The following FANCB variants were observed in gnomAD, a reference collection of about 807,000 sequenced individuals.
FANCB encodes Fanconi anemia group B protein.
A neutral mutation model predicts 38.9 loss-of-function variants in FANCB; 5 were observed. That is an observed-to-expected ratio of 0.13 (90% confidence interval 0.07 to 0.27). The LOEUF is 0.27. Among genes scored for constraint, FANCB ranks in the 10% least tolerant of loss-of-function variants. The probability of loss-of-function intolerance (pLI) is 1.00; values close to 1 mark genes in which losing one functional copy is unlikely to be tolerated. For synonymous variants in FANCB, 236 were observed against 215.4 expected, an observed-to-expected ratio of 1.10 and a Z score of -0.84; for missense variants, 573 against 602.7, an observed-to-expected ratio of 0.95 and a Z score of 0.52.
chrX:14,735,684 G>C, the FANCB span, among the ~76,000 whole-genome samples: 1 of 112,380 alleles, frequency 8.9e-6, no homozygotes, highest in African/African-American at 3.2e-5. Flanking sequence ...CCTGCTGGGA[G>C]GTATCTCCCA....
intron 3 of FANCB, among the ~76,000 whole-genome samples, chrX:14,863,955 T>C (rs1489647189): frequency 9.0e-6 from 1 of 111,017 alleles, no homozygotes; most frequent in Non-Finnish European, 1.9e-5. Flanking sequence ...GCCAACATGG[T>C]AAAACCCCAT....
chrX:14,763,423 G>A, the FANCB span, among the ~76,000 whole-genome samples: 1 of 111,835 alleles, frequency 8.9e-6, no homozygotes, highest in Non-Finnish European at 1.9e-5. Context: ...CAGGTACAGA[G>A]GAAATCATAG....
chrX:14,801,664 C>CA, the FANCB span, among the ~76,000 whole-genome samples: 3 of 111,067 alleles, frequency 2.7e-5, no homozygotes, highest in African/African-American at 9.8e-5. Flanking sequence ...TGGGTCATGA[C>CA]AAAATCCTAT....
intron 1 of FANCB, among the ~76,000 whole-genome samples, chrX:14,870,071 A>C (rs2092488050): frequency 8.9e-6 from 1 of 112,208 alleles, no homozygotes; most frequent in South Asian, 3.6e-4. Context: ...TCAATCATTA[A>C]AATTTAATTC....
At chrX:14,806,671 T>A in the FANCB span, among the ~76,000 whole-genome samples, 3 of 111,902 alleles carry the variant, frequency 2.7e-5, no homozygotes, top group Admixed American at 9.5e-5. Flanking sequence ...AAAAGGAGAC[T>A]CAATTCCTGT....
At chrX:14,724,363 C>A in the FANCB span, among the ~76,000 whole-genome samples, 1 of 110,426 alleles carries the variant, frequency 9.1e-6, no homozygotes, top group Non-Finnish European at 1.9e-5. Flanking sequence ...TGGTGGCTCA[C>A]ACCTGTAATC....
chrX:14,750,661 G>A, the FANCB span, among the ~76,000 whole-genome samples: 166 of 110,940 alleles, frequency 1.5e-3, no homozygotes, highest in Middle Eastern at 4.6e-3. Flanking sequence ...AAACCACTAT[G>A]CCTCACTTGG....
chrX:14,697,763 G>GA, the FANCB span, among the ~76,000 whole-genome samples: 1 of 111,681 alleles, frequency 9.0e-6, no homozygotes, highest in Admixed American at 9.5e-5. Flanking sequence ...GGGAAACATG[G>GA]AAAATCACAG....
At chrX:14,823,352 G>A in the FANCB span, among the ~76,000 whole-genome samples, 1 of 111,549 alleles carries the variant, frequency 9.0e-6, no homozygotes, top group Non-Finnish European at 1.9e-5. Context: ...AAAGTGCTGG[G>A]ATTGCAGGCG....
the FANCB span, among the ~76,000 whole-genome samples, chrX:14,813,117 C>T: frequency 7.5e-5 from 8 of 106,845 alleles, no homozygotes; most frequent in African/African-American, 2.8e-4. Context: ...ATTCAACAAC[C>T]CTTCATGCTA....
the FANCB span, among the ~76,000 whole-genome samples, chrX:14,807,910 G>A: frequency 9.0e-6 from 1 of 111,527 alleles, no homozygotes; most frequent in East Asian, 2.8e-4. Context: ...AAATTCAAAG[G>A]ATCATTAATG....
chrX:14,736,234 T>A, the FANCB span, among the ~76,000 whole-genome samples: 1 of 109,378 alleles, frequency 9.1e-6, no homozygotes, highest in Non-Finnish European at 1.9e-5. Context: ...CCCTTTCCAG[T>A]GGAGTGAACT....
chrX:14,839,750 T>C (rs2092349952), downstream of FANCB, among the ~76,000 whole-genome samples: 1 of 111,843 alleles, frequency 8.9e-6, no homozygotes, highest in African/African-American at 3.2e-5. Flanking sequence ...GTTTCTATCC[T>C]GGGATTCCCC....
chrX:14,740,741 T>C, the FANCB span, among the ~76,000 whole-genome samples: 1 of 111,696 alleles, frequency 9.0e-6, no homozygotes, highest in South Asian at 3.8e-4. Flanking sequence ...CAATCCCTGC[T>C]CTAGATACAT....
At chrX:14,800,237 G>A in the FANCB span, among the ~76,000 whole-genome samples, 12 of 111,946 alleles carry the variant, frequency 1.1e-4, no homozygotes, top group African/African-American at 3.6e-4. Context: ...AGAACCCTGT[G>A]ACTTTCATGG....
chrX:14,798,442 G>A, the FANCB span, among the ~76,000 whole-genome samples: 3 of 112,067 alleles, frequency 2.7e-5, no homozygotes, highest in East Asian at 2.8e-4. Context: ...GATTACAGGC[G>A]TGAGCCACCG....
chrX:14,844,744 CA>C lies in FANCB; in HGVS notation c.1928-5del, dbSNP rs1461218998. ...GCAAAAAGATCTTCCATGTGCTCTA[CA>C]AAAAAAGTCACAAGCTCTATCATTA... On this transcript the variant is annotated splice_polypyrimidine_tract_variant and splice_region_variant and intron_variant, in intron 8 of 9. Coordinates refer to ENST00000650831, the MANE Select transcript of FANCB (RefSeq NM_001018113.3). 2 of 1,188,293 alleles carry C rather than the reference CA, an allele frequency of 1.7e-6. No individual in the cohort carries two copies. The highest frequency in any genetic ancestry group is 1.8e-5 in the South Asian group (1 of 56,451).
chrX:14,690,512 G>A, the FANCB span, among the ~76,000 whole-genome samples: 1 of 111,974 alleles, frequency 8.9e-6, no homozygotes, highest in East Asian at 2.8e-4. Context: ...GACTTTCAGT[G>A]CTCTGCCCAG....
At chrX:14,750,259 C>T in the FANCB span, among the ~76,000 whole-genome samples, 4 of 111,610 alleles carry the variant, frequency 3.6e-5, no homozygotes, top group South Asian at 1.5e-3. Flanking sequence ...TAAGGTAATG[C>T]TAGCTGCTTT....
Sources: gnomAD v4.1 joint callset for allele counts (sites outside exome capture counted in the v4.1 genomes callset) on GRCh38, gnomAD v4.1.1 for gene constraint, MANE v1.5 for transcripts, NCBI Gene and HGNC (gene_info 2026-07-23, HGNC 2026-07-21) for gene names.